The following RICTOR variants were observed in gnomAD, a reference collection of about 807,000 sequenced individuals.
The protein encoded by RICTOR is RPTOR independent companion of MTOR complex 2.
RICTOR carries 49 observed loss-of-function variants against 214.9 expected under a neutral mutation model. The ratio of observed to expected loss-of-function variants is 0.23; its 90% CI spans 0.18 to 0.29. RICTOR has a LOEUF of 0.29. Ranked by LOEUF, RICTOR falls within the 10% of genes least tolerant of loss-of-function variation. RICTOR has a pLI of 1.00. For missense variants in RICTOR, 1,625 were observed against 2,047.0 expected, an observed-to-expected ratio of 0.79 and a Z score of 3.98; for synonymous variants, 717 against 711.3, an observed-to-expected ratio of 1.01 and a Z score of -0.13.
chr5:38,967,351 A>G lies in RICTOR; in HGVS notation c.1137T>C (p.His379=). The change falls in exon 13 of 38, where the codon CAT becomes CAC. Residue 379 remains histidine (H), a synonymous_variant. Transcript: ENST00000357387. ...TTAAATTCTACCTGGATCTGGCACGATGAGGAAGAATAGTTTTTGCCTCAG... is the reference window on the plus strand; with the variant it reads ...TTAAATTCTACCTGGATCTGGCACGGTGAGGAAGAATAGTTTTTGCCTCAG... ...VAAEAKTILP[H]RARSRPDLMD... 6.2e-7 allele frequency: 1 copy of G among 1,613,574 alleles called. No individual in the cohort carries two copies.
intron 2 of RICTOR, among the ~76,000 whole-genome samples, chr5:39,040,322 T>C (rs1335750784): frequency 2.3e-5 from 1 of 44,368 alleles, no homozygotes; most frequent in African/African-American, 9.2e-5. Context: ...TGTTGAGGGG[T>C]GGGGGGAGGG....
chr5:38,985,680 C>G (rs1752110599), intron 7 of RICTOR, among the ~76,000 whole-genome samples: 1 of 151,978 alleles, frequency 6.6e-6, no homozygotes, highest in South Asian at 2.1e-4. Flanking sequence ...CCCTTTCATG[C>G]CTTTGCACCT....
chr5:39,045,999 G>C (rs358518), intron 2 of RICTOR, among the ~76,000 whole-genome samples: 8 of 151,012 alleles, frequency 5.3e-5, no homozygotes, highest in African/African-American at 1.9e-4. Context: ...TTCATGGATC[G>C]TCAGTCTCTT....
chr5:38,978,675 AAG>A, intron 8 of RICTOR, 25 bp from the exon 9 acceptor site: 1 of 1,182,554 alleles, frequency 8.5e-7, no homozygotes, highest in Non-Finnish European at 1.2e-6. Context: ...AAAGGAAGAA[AAG>A]AGTCTTTATT....
intron 3 of RICTOR, among the ~76,000 whole-genome samples, chr5:39,007,757 G>C (rs1754189924): frequency 6.6e-6 from 1 of 150,950 alleles, no homozygotes; most frequent in Non-Finnish European, 1.5e-5. Flanking sequence ...GCAAAATATT[G>C]TTTTAAATAT....
At chr5:38,948,252 G>A (rs934459768) in intron 31 of RICTOR, among the ~76,000 whole-genome samples, 29 of 152,028 alleles carry the variant, frequency 1.9e-4, no homozygotes, top group Admixed American at 1.6e-3. Context: ...TAAAATGTAC[G>A]AATGCAGCCT....
chr5:39,036,805 A>G (rs1227318428), intron 2 of RICTOR, among the ~76,000 whole-genome samples: 1 of 152,200 alleles, frequency 6.6e-6, no homozygotes, highest in Non-Finnish European at 1.5e-5. Context: ...AGGAGCACCC[A>G]GATTCATAAA....
At chr5:39,051,355 G>C (rs896137378) in intron 2 of RICTOR, among the ~76,000 whole-genome samples, 1 of 152,128 alleles carries the variant, frequency 6.6e-6, no homozygotes, top group Non-Finnish European at 1.5e-5. Context: ...TAATGACACT[G>C]TAAGATATAC....
chr5:38,942,704 C>T (rs756343226), intron 37 of RICTOR, 129 bp downstream of exon 37: 145 of 722,342 alleles, frequency 2.0e-4, no homozygotes, highest in Non-Finnish European at 2.8e-4. Flanking sequence ...AATTCTCCCG[C>T]GCTGACCCCA....
At chr5:39,019,075 A>G (rs1413775145) in intron 3 of RICTOR, among the ~76,000 whole-genome samples, 2 of 152,132 alleles carry the variant, frequency 1.3e-5, no homozygotes, top group African/African-American at 4.8e-5. Context: ...AGCAAGCAAG[A>G]CCCCAACTCT....
chr5:39,074,054 G>C (rs1759534429), intron 2 of RICTOR, 57 bp downstream of exon 2: 16 of 1,380,108 alleles, frequency 1.2e-5, no homozygotes, highest in Non-Finnish European at 1.6e-5. Flanking sequence ...CCCCAGCCCC[G>C]GACCCGGCTC....
At chr5:39,064,476 A>G (rs1235277202) in intron 2 of RICTOR, among the ~76,000 whole-genome samples, 1 of 152,218 alleles carries the variant, frequency 6.6e-6, no homozygotes, top group East Asian at 1.9e-4. Flanking sequence ...AAGTATTTAG[A>G]TTATATATTT....
At chr5:38,995,892 C>G (rs1050373035) in intron 6 of RICTOR, among the ~76,000 whole-genome samples, 1 of 152,176 alleles carries the variant, frequency 6.6e-6, no homozygotes, top group South Asian at 2.1e-4. Context: ...CATTCTTAGT[C>G]GAATTTCAAA....
At chr5:39,005,736 G>A (rs1373336364) in intron 3 of RICTOR, among the ~76,000 whole-genome samples, 1 of 152,120 alleles carries the variant, frequency 6.6e-6, no homozygotes, top group Non-Finnish European at 1.5e-5. Flanking sequence ...ATTTGATGGT[G>A]TTATCTGTCT....
intron 12 of RICTOR, 61 bp downstream of exon 12, chr5:38,967,882 C>A: frequency 3.7e-6 from 3 of 811,724 alleles, no homozygotes; most frequent in South Asian, 1.6e-5. Flanking sequence ...CTTTTAGGAA[C>A]TGTCTCCATT....
chr5:38,998,091 G>A (rs1176667445), intron 5 of RICTOR, among the ~76,000 whole-genome samples: 1 of 151,944 alleles, frequency 6.6e-6, no homozygotes, highest in East Asian at 1.9e-4. Context: ...AAAAGATTCT[G>A]CTCAATATCT....
chr5:39,025,881 TA>T (rs1205807757), intron 2 of RICTOR, among the ~76,000 whole-genome samples: 1 of 152,202 alleles, frequency 6.6e-6, no homozygotes, highest in Non-Finnish European at 1.5e-5. Flanking sequence ...ACTGTTCCAA[TA>T]AAACAAACTT....
intron 3 of RICTOR, among the ~76,000 whole-genome samples, chr5:39,018,622 G>T (rs1417935008): frequency 6.6e-6 from 1 of 151,944 alleles, no homozygotes; most frequent in African/African-American, 2.4e-5. Flanking sequence ...ATTGTTATGG[G>T]GCACCATGAA....
intron 3 of RICTOR, among the ~76,000 whole-genome samples, chr5:39,013,055 G>A (rs1444031982): frequency 6.6e-6 from 1 of 152,160 alleles, no homozygotes; most frequent in African/African-American, 2.4e-5. Context: ...GCATGTAATT[G>A]ACAGTGTCTC....
Sources: gnomAD v4.1 joint callset for allele counts (sites outside exome capture counted in the v4.1 genomes callset) on GRCh38, gnomAD v4.1.1 for gene constraint, MANE v1.5 for transcripts, NCBI Gene and HGNC (gene_info 2026-07-23, HGNC 2026-07-21) for gene names.